The following PLCG1 variants were observed in gnomAD, a reference collection of about 807,000 sequenced individuals.
PLCG1 encodes 1-phosphatidylinositol 4,5-bisphosphate phosphodiesterase gamma-1.
A neutral mutation model predicts 177.8 loss-of-function variants in PLCG1; 71 were observed. That is an observed-to-expected ratio of 0.40 (90% CI 0.33 to 0.49). The LOEUF (loss-of-function observed/expected upper bound fraction) is 0.49, where lower values mean the gene tolerates loss of function less well. Among genes scored for constraint, PLCG1 ranks in the 20% least tolerant of loss-of-function variants. The pLI, the probability that PLCG1 is intolerant of heterozygous loss-of-function variation, is 0.72. For synonymous variants in PLCG1, 658 were observed against 647.9 expected (o/e 1.02, Z -0.24); for missense variants, 1,281 against 1,709.0 (o/e 0.75, Z 4.42).
chr20:41,141,751 C>A (rs939989972), intron 1 of PLCG1, among the ~76,000 whole-genome samples: 2 of 152,202 alleles, frequency 1.3e-5, no homozygotes, highest in South Asian at 2.1e-4. Context: ...GTTTCCAGGC[C>A]CCCCCGCCCA....
Position 41,166,937 on chromosome 20 carries a change from T to TG in PLCG1, c.2301+78_2301+79insG. ...AATCTTACCAGTCTCTGGATGTGTG[T>TG]AACAGCAAGACCTGGTGTGTTGTAG... On this transcript the variant is annotated intron_variant, in intron 19 of 31. Coordinates refer to ENST00000685551, the MANE Select transcript of PLCG1 (RefSeq NM_002660.3). This position sits in a 1 kb window ranked among gnomAD's most constrained non-coding sequence, Gnocchi z 8.6. 1 of 1,351,644 alleles carries TG rather than the reference T, an allele frequency of 7.4e-7. No homozygotes were observed. The allele number at this position is 1,351,644 out of a possible 1,614,324, so 83.7% of individuals were successfully genotyped here.
Position 41,174,382 on chromosome 20 carries a change from T to A in PLCG1, c.3833+71T>A. 6 of 1,602,492 alleles carry A rather than the reference T, an allele frequency of 3.7e-6. No homozygotes were observed. Among genetic ancestry groups the A allele is most frequent in the Non-Finnish European group, 5.1e-6 (6 of 1,170,332 alleles). On this transcript the variant is annotated intron_variant, in intron 31 of 31. Coordinates refer to ENST00000685551, the MANE Select transcript of PLCG1 (RefSeq NM_002660.3). This position sits in a 1 kb window ranked among gnomAD's most constrained non-coding sequence, Gnocchi z 5.8. ...GTCCTCCTTCTTCAGTGTTTCTTTC[T>A]CCTGGGTAGAAAAGTTGTAATATTG...
In PLCG1 at chr20:41,155,903, C is replaced by T. The variant is rs148816114; in HGVS notation, c.218-3703C>T. ...CCAAAAGAGTGAGGGACTGCCAAGG[C>T]CTCATAGCTAGAATTTAAGAGCTGT... On this transcript the variant is annotated intron_variant, in intron 1 of 31. Coordinates refer to ENST00000685551, the MANE Select transcript of PLCG1 (RefSeq NM_002660.3). 2.3e-3 allele frequency among the ~76,000 whole-genome samples: 345 copies of T among 152,246 alleles called. 2 individuals carry two copies. Among genetic ancestry groups the T allele is most frequent in the African/African-American group, 7.9e-3 (330 of 41,542 alleles).
rs1484365905 is a variant in PLCG1 at position 41,146,127 on chromosome 20, G to T, written c.217+8269G>T. ...TGGCCCTGGCTTCAGCAAGACTCAG[G>T]ATGCAGAGTAAACGGGGCAGGGCGT... On this transcript the variant is annotated intron_variant, in intron 1 of 31. Transcript: ENST00000685551. The surrounding 1 kb of genome is among the most constrained non-coding windows in gnomAD (Gnocchi z 6.3). Among the ~76,000 whole-genome samples the T allele has an allele frequency of 6.6e-6, 1 of 152,214 alleles. No individual in the cohort carries two copies. Among genetic ancestry groups the T allele is most frequent in the African/African-American group, 2.4e-5 (1 of 41,448 alleles).
At position 41,155,127 on chromosome 20, in the gene PLCG1, G is replaced by A. The variant is rs992144675; in HGVS notation, c.218-4479G>A. Among the ~76,000 whole-genome samples, 5 of 152,340 alleles carry A rather than the reference G, an allele frequency of 3.3e-5. No individual in the cohort carries two copies. In the East Asian group the frequency reaches 7.7e-4, roughly 24 times the overall value. ...GAACATTGCTCTTCCCAGTCTCCCTGGCCTCGTCATATAACCTTTTATTTT... is the reference window on the plus strand; with the variant it reads ...GAACATTGCTCTTCCCAGTCTCCCTAGCCTCGTCATATAACCTTTTATTTT... On this transcript the variant is annotated intron_variant, in intron 1 of 31. Coordinates refer to ENST00000685551, the MANE Select transcript of PLCG1 (RefSeq NM_002660.3).
In PLCG1 at chr20:41,167,996, G is replaced by A. The variant is rs2035759986; in HGVS notation, c.2379+67G>A. The A allele has an allele frequency of 1.9e-6, 2 of 1,074,180 alleles. No individual in the cohort carries two copies. Among genetic ancestry groups the A allele is most frequent in the Admixed American group, 1.7e-5 (1 of 57,412 alleles). 66.5% of individuals were successfully genotyped at this position (1,074,180 alleles called of 1,614,324 possible). ...CCCAGCTGCTTGGGGCTTCATTTCT[G>A]TGTTCTGGGCCATCTGTGGTCTTTG... On this transcript the variant is annotated intron_variant, in intron 20 of 31. Coordinates refer to ENST00000685551, the MANE Select transcript of PLCG1 (RefSeq NM_002660.3). This position sits in a 1 kb window ranked among gnomAD's most constrained non-coding sequence, Gnocchi z 4.4.
rs2145986508 is a variant in PLCG1, at chr20:41,137,607, T to C, written c.-35T>C. The C allele has an allele frequency of 6.2e-6, 8 of 1,287,712 alleles. No individual in the cohort carries two copies. The highest frequency in any genetic ancestry group is 6.9e-6 in the Non-Finnish European group (7 of 1,008,416). 79.8% of individuals were successfully genotyped at this position (1,287,712 alleles called of 1,614,324 possible). A position where few individuals can be genotyped will look rare whatever the true frequency, so the allele number is the denominator to read the frequency against. ...CGTTGCGCTTGCTCCCGGGCGGTCC[T>C]GGCCTGTGCCGCCGCCGCCCCCAGC... On this transcript the variant is annotated 5_prime_UTR_variant, in exon 1 of 32. Coordinates refer to ENST00000685551, the MANE Select transcript of PLCG1 (RefSeq NM_002660.3). The surrounding 1 kb of genome is among the most constrained non-coding windows in gnomAD (Gnocchi z 7.3).
At chr20:41,144,000 A>G (rs2034916024) in intron 1 of PLCG1, among the ~76,000 whole-genome samples, 1 of 152,188 alleles carries the variant, frequency 6.6e-6, no homozygotes, top group Non-Finnish European at 1.5e-5. Flanking sequence ...CTGGGCTAGG[A>G]GTCTGTTTCC....
At chr20:41,171,052 C>G (rs1227098589) in intron 24 of PLCG1, 1 of 152,334 alleles carries the variant, frequency 6.6e-6, no homozygotes, top group East Asian at 1.9e-4. Context: ...GCCTCTTCCC[C>G]TGAGCCTGGG....
intron 1 of PLCG1, among the ~76,000 whole-genome samples, chr20:41,143,260 C>A (rs1262939246): frequency 6.6e-6 from 1 of 152,212 alleles, no homozygotes; most frequent in Admixed American, 6.5e-5. Flanking sequence ...TGTCAGTCTC[C>A]GTTAACTCAC....
rs1428950375 is a variant in PLCG1, at chr20:41,166,972, G to A, written c.2301+113G>A. Reference sequence around the variant, plus strand: ...ACCTGGTGTGTTGTAGAAGTTCGTGGGAGGGCCCCTGACTCCAGCTGGGAG... The same window carrying A: ...ACCTGGTGTGTTGTAGAAGTTCGTGAGAGGGCCCCTGACTCCAGCTGGGAG... On this transcript the variant is annotated intron_variant, in intron 19 of 31. Coordinates refer to ENST00000685551, the MANE Select transcript of PLCG1 (RefSeq NM_002660.3). This position sits in a 1 kb window ranked among gnomAD's most constrained non-coding sequence, Gnocchi z 8.6. 13 of 1,037,306 alleles carry A rather than the reference G, an allele frequency of 1.3e-5. No homozygotes were observed. The highest frequency in any genetic ancestry group is 4.8e-5 in the East Asian group (2 of 41,692). 64.3% of individuals were successfully genotyped at this position (1,037,306 alleles called of 1,614,324 possible).
intron 1 of PLCG1, among the ~76,000 whole-genome samples, chr20:41,149,849 G>A (rs930256847): frequency 7.9e-5 from 12 of 152,188 alleles, no homozygotes; most frequent in Admixed American, 6.5e-4. Flanking sequence ...GAGAGAGGGC[G>A]TGATCAACCA....
At chr20:41,161,514 A>G (rs1027656853) in intron 4 of PLCG1, among the ~76,000 whole-genome samples, 2 of 152,106 alleles carry the variant, frequency 1.3e-5, no homozygotes, top group African/African-American at 4.8e-5. Flanking sequence ...TTGCAACCAG[A>G]AGGCCTCTGT....
In PLCG1 at chr20:41,166,178, T is replaced by C. The variant is rs142542349; in HGVS notation, c.1800-16T>C. On this transcript the variant is annotated splice_polypyrimidine_tract_variant and intron_variant, in intron 16 of 31. Coordinates refer to ENST00000685551, the MANE Select transcript of PLCG1 (RefSeq NM_002660.3). The surrounding 1 kb of genome is among the most constrained non-coding windows in gnomAD (Gnocchi z 8.6). Reference sequence around the variant, plus strand: ...GCCTGTTTTCCCCAGCCTCCCTCACTCTGTGTCTTCCACAGGCGGAACGGG... The same window carrying C: ...GCCTGTTTTCCCCAGCCTCCCTCACCCTGTGTCTTCCACAGGCGGAACGGG... 3 of 1,608,968 alleles carry C rather than the reference T, an allele frequency of 1.9e-6. No homozygotes were observed. Among genetic ancestry groups the C allele is most frequent in the South Asian group, 2.2e-5 (2 of 91,038 alleles).
rs920658576 is a variant in PLCG1, at chr20:41,160,935, G to A, written c.512+782G>A. ...TTGGAGGGAAGCTTGGGTTCAGTTC[G>A]AGGCATGTTAAGTTTTCTGATGCCT... On this transcript the variant is annotated intron_variant, in intron 4 of 31. Transcript: ENST00000685551. This position sits in a 1 kb window ranked among gnomAD's most constrained non-coding sequence, Gnocchi z 5.5. Among the ~76,000 whole-genome samples the A allele has an allele frequency of 1.4e-4, 21 of 152,298 alleles. No individual in the cohort carries two copies. The highest frequency in any genetic ancestry group is 2.6e-4 in the Non-Finnish European group (18 of 68,028).
rs369773324 is a variant in PLCG1, at chr20:41,172,435, C to T, written c.2920C>T (p.Arg974Cys). 30 of 1,614,052 alleles carry T rather than the reference C, an allele frequency of 1.9e-5. No homozygotes were observed. Among genetic ancestry groups the T allele is most frequent in the Non-Finnish European group, 2.4e-5 (28 of 1,179,914 alleles). Reference sequence around the variant, plus strand: ...GTTTGGCCCAGAGATTGGCACAGAACGTGCTTGCTACCGGGACATGTCATC... The same window carrying T: ...GTTTGGCCCAGAGATTGGCACAGAATGTGCTTGCTACCGGGACATGTCATC... ...PFDEEKIGTE[R>C]ACYRDMSSFP... Residue 974 changes from arginine to cysteine, a missense_variant, in exon 26 of 32, where the codon CGT becomes TGT. Physicochemically the swap from Arg to Cys is radical, Grantham distance 180 (BLOSUM62 -3). Coordinates refer to ENST00000685551, the MANE Select transcript of PLCG1 (RefSeq NM_002660.3). The surrounding 1 kb of genome is among the most constrained non-coding windows in gnomAD (Gnocchi z 7.0).
intron 1 of PLCG1, among the ~76,000 whole-genome samples, chr20:41,143,808 T>C (rs1338744889): frequency 3.3e-5 from 5 of 152,252 alleles, no homozygotes; most frequent in African/African-American, 9.6e-5. Context: ...CAGAGCTGTA[T>C]ATTAATAATA....
chr20:41,169,380 G>C, intron 22 of PLCG1, 77 bp from the exon 23 acceptor site: 1 of 1,169,940 alleles, frequency 8.5e-7, no homozygotes, highest in South Asian at 1.2e-5. Context: ...AGATGTATTT[G>C]TCCCATGCAC....
chr20:41,159,445 A>C lies in PLCG1; in HGVS notation c.218-161A>C, dbSNP rs2035422814. On this transcript the variant is annotated intron_variant, in intron 1 of 31. Transcript: ENST00000685551. This position sits in a 1 kb window ranked among gnomAD's most constrained non-coding sequence, Gnocchi z 6.0. ...TAGCAAAGGCCTATCCCTAGACTCA[A>C]CCCAGCCCTCTTATTACCAGAGTGA... 1.3e-5 allele frequency among the ~76,000 whole-genome samples: 2 copies of C among 152,110 alleles called. No homozygotes were observed. The highest frequency in any genetic ancestry group is 4.2e-4 in the South Asian group (2 of 4,818).
Sources: allele counts gnomAD v4.1 joint callset (sites outside exome capture counted in the v4.1 genomes callset), GRCh38; gene constraint gnomAD v4.1.1; non-coding constraint Gnocchi (gnomAD v3.1); transcripts MANE v1.5; gene names NCBI Gene and HGNC (gene_info 2026-07-23, HGNC 2026-07-21).